The following DLGAP2 variants were observed in gnomAD, a reference collection of about 807,000 sequenced individuals.
DLGAP2 encodes disks large-associated protein 2.
Under a neutral mutation model 100.3 loss-of-function variants are expected in DLGAP2, and 26 were observed. That is an observed-to-expected ratio of 0.26 (90% confidence interval 0.19 to 0.36). The LOEUF (loss-of-function observed/expected upper bound fraction) is 0.36, where lower values mean the gene tolerates loss of function less well. Ranked by LOEUF, DLGAP2 falls within the 10% of genes least tolerant of loss-of-function variation. DLGAP2 has a pLI of 1.00. For synonymous variants in DLGAP2, 886 were observed against 630.1 expected, an observed-to-expected ratio of 1.41 and a Z score of -6.08; for missense variants, 1,858 against 1,453.2, an observed-to-expected ratio of 1.28 and a Z score of -4.53.
intron 3 of DLGAP2, among the ~76,000 whole-genome samples, chr8:1,345,634 G>A (rs372574051): frequency 4.6e-5 from 7 of 152,336 alleles, no homozygotes; most frequent in Admixed American, 3.9e-4. Context: ...TCTGATCAGT[G>A]CACAGCAGCC....
At chr8:934,633 CG>C (rs1305437965) in intron 2 of DLGAP2, among the ~76,000 whole-genome samples, 1 of 151,988 alleles carries the variant, frequency 6.6e-6, no homozygotes, top group Non-Finnish European at 1.5e-5. Context: ...GTGGTGGGGA[CG>C]GTGGAGGCAG....
Position 883,584 on chromosome 8 carries a change from G to A in DLGAP2, c.19-24328G>A, listed in dbSNP as rs541045499. Among the ~76,000 whole-genome samples, 17 of 152,060 alleles carry A rather than the reference G, an allele frequency of 1.1e-4. No individual in the cohort carries two copies. In the South Asian group the frequency reaches 3.5e-3, roughly 32 times the overall value. The stretch of plus-strand genomic sequence containing the variant: ...TGTTACACAGGTACGCGTGTGCCGC[G>A]GCGGTTCGTTACATAGGAACGCGTG... On this transcript the variant is annotated intron_variant, in intron 1 of 14. Coordinates refer to ENST00000637795, the MANE Select transcript of DLGAP2 (RefSeq NM_001346810.2).
chr8:1,383,488 A>G (rs1403553714), intron 3 of DLGAP2, among the ~76,000 whole-genome samples: 4 of 152,208 alleles, frequency 2.6e-5, no homozygotes, highest in Non-Finnish European at 5.9e-5. Context: ...GTGGAGGCTG[A>G]TAGGCCTTCG....
chr8:1,028,356 T>G (rs1192085978), intron 2 of DLGAP2, among the ~76,000 whole-genome samples: 3 of 143,136 alleles, frequency 2.1e-5, no homozygotes, highest in Non-Finnish European at 4.5e-5. Flanking sequence ...CGCCCGTTAT[T>G]CTCCAGGTGG....
intron 3 of DLGAP2, among the ~76,000 whole-genome samples, chr8:1,328,754 C>T (rs1009775745): frequency 2.6e-5 from 4 of 152,170 alleles, no homozygotes; most frequent in Admixed American, 2.6e-4. Context: ...CTAAGCTTCC[C>T]ATAATAACGG....
At chr8:1,535,543 C>G (rs939196232) in intron 4 of DLGAP2, among the ~76,000 whole-genome samples, 2 of 152,162 alleles carry the variant, frequency 1.3e-5, no homozygotes, top group Non-Finnish European at 2.9e-5. Context: ...ATGGGCATGC[C>G]TGGCACACAC....
chr8:1,195,993 G>A (rs1413082559), intron 2 of DLGAP2, among the ~76,000 whole-genome samples: 1 of 152,228 alleles, frequency 6.6e-6, no homozygotes, highest in Non-Finnish European at 1.5e-5. Flanking sequence ...CTGTGGGGAT[G>A]CTCACGTTCG....
At chr8:1,506,148 T>C (rs1344697046) in intron 4 of DLGAP2, among the ~76,000 whole-genome samples, 1 of 152,194 alleles carries the variant, frequency 6.6e-6, no homozygotes, top group Non-Finnish European at 1.5e-5. Flanking sequence ...CTCCACAGCA[T>C]TTAAGTGCAC....
chr8:1,070,842 T>C (rs1330173176), intron 2 of DLGAP2, among the ~76,000 whole-genome samples: 1 of 152,194 alleles, frequency 6.6e-6, no homozygotes, highest in Non-Finnish European at 1.5e-5. Context: ...GCTGTGGTTG[T>C]TCCCACTCGC....
chr8:1,532,577 C>G (rs1801019976), intron 4 of DLGAP2, among the ~76,000 whole-genome samples: 1 of 152,162 alleles, frequency 6.6e-6, no homozygotes, highest in African/African-American at 2.4e-5. Context: ...GTCACACTAA[C>G]TGATAAATGC....
chr8:1,099,327 C>T (rs778873561), intron 2 of DLGAP2, among the ~76,000 whole-genome samples: 2 of 152,158 alleles, frequency 1.3e-5, no homozygotes, highest in African/African-American at 2.4e-5. Context: ...CTGTGTGTTG[C>T]GTAGAGACGT....
chr8:1,257,171 G>A (rs1444727614), intron 2 of DLGAP2, among the ~76,000 whole-genome samples: 1 of 152,052 alleles, frequency 6.6e-6, no homozygotes, highest in African/African-American at 2.4e-5. Flanking sequence ...TTTAAAGGAC[G>A]ATTCATGCTC....
chr8:1,173,498 G>GAGGC lies in DLGAP2; in HGVS notation c.74-85344_74-85341dup, dbSNP rs1390927743. ...CCTGCCCCCAGAGGTGTAGCCTACA[G>GAGGC]AGGCAGGCAGGCCTCCTTGAGCTGT... is the stretch of plus-strand genomic sequence containing the variant. On this transcript the variant is annotated intron_variant, in intron 2 of 14. Transcript: ENST00000637795. Among the ~76,000 whole-genome samples the GAGGC allele has an allele frequency of 3.3e-5, 5 of 152,338 alleles. No individual in the cohort carries two copies. The East Asian group carries it at 7.7e-4, about 24-fold the overall frequency.
intron 3 of DLGAP2, among the ~76,000 whole-genome samples, chr8:1,261,703 G>C (rs1799354018): frequency 6.6e-6 from 1 of 152,322 alleles, no homozygotes; most frequent in East Asian, 1.9e-4. Flanking sequence ...AGGGTTTGTG[G>C]CGAGGTCTCA....
chr8:765,920 G>C (rs1821202443), intron 1 of DLGAP2, among the ~76,000 whole-genome samples: 1 of 152,148 alleles, frequency 6.6e-6, no homozygotes, highest in African/African-American at 2.4e-5. Context: ...TGTAATCCCA[G>C]TACTTTGGGA....
At chr8:1,227,315 T>C (rs186365216) in intron 2 of DLGAP2, among the ~76,000 whole-genome samples, 3 of 150,858 alleles carry the variant, frequency 2.0e-5, no homozygotes, top group Admixed American at 6.6e-5. Flanking sequence ...TTTTCGATCA[T>C]TGTTGGTTTA....
chr8:1,644,309 G>A (rs1350668072), intron 8 of DLGAP2, among the ~76,000 whole-genome samples: 1 of 152,238 alleles, frequency 6.6e-6, no homozygotes, highest in Non-Finnish European at 1.5e-5. Flanking sequence ...GCAAGAGCCA[G>A]AGGAGTGAAG....
At chr8:1,047,252 G>A (rs1002083428) in intron 2 of DLGAP2, among the ~76,000 whole-genome samples, 22 of 152,092 alleles carry the variant, frequency 1.4e-4, no homozygotes, top group African/African-American at 4.6e-4. Context: ...CAACCTTTGC[G>A]GTCTGGTTTC....
intron 2 of DLGAP2, among the ~76,000 whole-genome samples, chr8:1,058,050 T>C (rs1205003385): frequency 6.6e-6 from 1 of 152,174 alleles, no homozygotes; most frequent in Non-Finnish European, 1.5e-5. Context: ...CTTAACAGTT[T>C]TGAGAAGAAA....
Sources: allele counts gnomAD v4.1 joint callset (sites outside exome capture counted in the v4.1 genomes callset), GRCh38; gene constraint gnomAD v4.1.1; transcripts MANE v1.5; gene names NCBI Gene and HGNC (gene_info 2026-07-23, HGNC 2026-07-21).